SIAH3: variants seen among roughly 807,000 people sequenced by gnomAD.
The protein encoded by SIAH3 is siah E3 ubiquitin protein ligase family member 3, also known as seven in absentia homolog 3.
Under a neutral mutation model 12.6 loss-of-function variants are expected in SIAH3, and 9 were observed. The ratio of observed to expected loss-of-function variants is 0.72; its 90% confidence interval spans 0.43 to 1.25. The LOEUF (loss-of-function observed/expected upper bound fraction) is 1.25. Among genes scored for constraint, SIAH3 ranks in the 50% most tolerant of loss-of-function variants. The pLI is 0.00. For synonymous variants in SIAH3, 154 were observed against 151.1 expected (o/e 1.02, Z -0.14); for missense variants, 390 against 365.4 (o/e 1.07, Z -0.55).
At chr13:45,839,432 A>T (rs1254925954) in intron 1 of SIAH3, among the ~76,000 whole-genome samples, 1 of 152,184 alleles carries the variant, frequency 6.6e-6, no homozygotes, top group Non-Finnish European at 1.5e-5. Flanking sequence ...CCCATTTCTT[A>T]AAAAAACATG....
At chr13:45,790,593 G>C (rs892249921) in intron 1 of SIAH3, among the ~76,000 whole-genome samples, 1 of 152,204 alleles carries the variant, frequency 6.6e-6, no homozygotes, top group African/African-American at 2.4e-5. Flanking sequence ...TTCAGGACAG[G>C]GACTAATTGT....
intron 1 of SIAH3, among the ~76,000 whole-genome samples, chr13:45,784,401 T>G (rs1950519092): frequency 2.4e-5 from 2 of 83,754 alleles, no homozygotes; most frequent in African/African-American, 7.9e-5. Flanking sequence ...GACAGCTGTT[T>G]TTTTTTTTTT....
intron 1 of SIAH3, among the ~76,000 whole-genome samples, chr13:45,813,821 A>C (rs12873938): frequency 0.074 from 11,230 of 152,050 alleles, 589 homozygotes; most frequent in Non-Finnish European, 0.11. Flanking sequence ...AAGGACACTA[A>C]TACCATCATA....
At chr13:45,842,640 G>A (rs937774818) in intron 1 of SIAH3, among the ~76,000 whole-genome samples, 3 of 152,148 alleles carry the variant, frequency 2.0e-5, no homozygotes, top group African/African-American at 7.2e-5. Flanking sequence ...GAACCACCGT[G>A]CCTGGCCTGT....
rs1376795448 is a variant in SIAH3, at chr13:45,781,970, T to A, written c.*1413A>T. On this transcript the variant is annotated 3_prime_UTR_variant, in exon 2 of 2. Coordinates refer to ENST00000400405, the MANE Select transcript of SIAH3 (RefSeq NM_198849.3). ...TCATGGGAATGTGCTGGGGATGGGGTGCCTGACTTCTGCAGTGTCTGGAGA... is the reference window on the plus strand; with the variant it reads ...TCATGGGAATGTGCTGGGGATGGGGAGCCTGACTTCTGCAGTGTCTGGAGA... 6.6e-6 allele frequency: 1 copy of A among 151,546 alleles called. No individual in the cohort carries two copies. Among genetic ancestry groups the A allele is most frequent in the Non-Finnish European group, 1.5e-5 (1 of 68,052 alleles). 9.4% of individuals were successfully genotyped at this position (151,546 alleles called of 1,614,324 possible).
At chr13:45,786,590 G>A (rs7997870) in intron 1 of SIAH3, among the ~76,000 whole-genome samples, 65,652 of 152,132 alleles carry the variant, frequency 0.43, 14,680 homozygotes, top group East Asian at 0.73. Flanking sequence ...TCAAGGGCAT[G>A]TTAGGAGATC....
intron 1 of SIAH3, among the ~76,000 whole-genome samples, chr13:45,819,452 T>C (rs1385046446): frequency 1.3e-5 from 2 of 151,988 alleles, no homozygotes; most frequent in Non-Finnish European, 1.5e-5. Context: ...GGAGTGGTGG[T>C]CGCTGAGGAA....
intron 1 of SIAH3, among the ~76,000 whole-genome samples, chr13:45,794,512 T>A (rs1286687749): frequency 6.6e-6 from 1 of 152,102 alleles, no homozygotes; most frequent in East Asian, 1.9e-4. Flanking sequence ...ATAATCCCCA[T>A]GTGTTGTGGG....
At position 45,816,488 on chromosome 13, in the gene SIAH3, G is replaced by C. The variant is rs370673395; in HGVS notation, c.136-32431C>G. Among the ~76,000 whole-genome samples the C allele has an allele frequency of 3.0e-4, 45 of 152,322 alleles. No individual in the cohort carries two copies. In the South Asian group the frequency reaches 9.3e-3, roughly 32 times the overall value. ...ATATTCATCTATTTTTAAAAGCCTTGCTATAAATTACAACAGCTGAGTTAT... is the reference window on the plus strand; with the variant it reads ...ATATTCATCTATTTTTAAAAGCCTTCCTATAAATTACAACAGCTGAGTTAT... On this transcript the variant is annotated intron_variant, in intron 1 of 1. Coordinates refer to ENST00000400405, the MANE Select transcript of SIAH3 (RefSeq NM_198849.3).
At chr13:45,786,384 G>C (rs1337063111) in intron 1 of SIAH3, among the ~76,000 whole-genome samples, 1 of 152,196 alleles carries the variant, frequency 6.6e-6, no homozygotes, top group East Asian at 1.9e-4. Flanking sequence ...TATAAATGAA[G>C]AAACAGAGAC....
At chr13:45,839,594 AG>A (rs1481004786) in intron 1 of SIAH3, among the ~76,000 whole-genome samples, 1 of 152,214 alleles carries the variant, frequency 6.6e-6, no homozygotes. Context: ...GCACTTTGGG[AG>A]GCCAAGGTGG....
At chr13:45,809,120 C>T (rs988371002) in intron 1 of SIAH3, among the ~76,000 whole-genome samples, 3 of 152,188 alleles carry the variant, frequency 2.0e-5, no homozygotes, top group African/African-American at 7.2e-5. Flanking sequence ...GACATAAATC[C>T]TGAGGCTGCG....
At chr13:45,818,425 G>A (rs1950642885) in intron 1 of SIAH3, among the ~76,000 whole-genome samples, 2 of 152,216 alleles carry the variant, frequency 1.3e-5, no homozygotes, top group Admixed American at 1.3e-4. Context: ...TATGGCTGCT[G>A]TAGCAAACTT....
At chr13:45,824,830 A>G (rs1462305860) in intron 1 of SIAH3, among the ~76,000 whole-genome samples, 1 of 151,756 alleles carries the variant, frequency 6.6e-6, no homozygotes, top group Non-Finnish European at 1.5e-5. Context: ...AAACCACGAG[A>G]TTGCGCCACT....
chr13:45,795,168 C>A (rs1201164859), intron 1 of SIAH3, among the ~76,000 whole-genome samples: 2 of 152,194 alleles, frequency 1.3e-5, no homozygotes, highest in East Asian at 3.9e-4. Flanking sequence ...ATGGAGAGAT[C>A]CAGAGGTAAT....
chr13:45,826,429 A>C (rs367557719), intron 1 of SIAH3, among the ~76,000 whole-genome samples: 1 of 4,606 alleles, frequency 2.2e-4, no homozygotes, highest in Non-Finnish European at 4.9e-4. Flanking sequence ...GGATGGATGG[A>C]TGAATGGATG....
At chr13:45,830,572 C>A (rs750875288) in intron 1 of SIAH3, among the ~76,000 whole-genome samples, 29 of 152,222 alleles carry the variant, frequency 1.9e-4, no homozygotes, top group Non-Finnish European at 3.7e-4. Context: ...AATCAAGAGG[C>A]AACTTGCTTC....
At chr13:45,807,792 T>G (rs373401311) in intron 1 of SIAH3, among the ~76,000 whole-genome samples, 46 of 152,312 alleles carry the variant, frequency 3.0e-4, no homozygotes, top group African/African-American at 1.0e-3. Context: ...TGACATTGCA[T>G]ATGCCCAGTA....
chr13:45,840,085 C>T (rs1360491168), intron 1 of SIAH3, among the ~76,000 whole-genome samples: 2 of 152,132 alleles, frequency 1.3e-5, no homozygotes, highest in Non-Finnish European at 2.9e-5. Flanking sequence ...TGGTGAAACC[C>T]CATCTCTGCT....
Sources: allele counts gnomAD v4.1 joint callset (sites outside exome capture counted in the v4.1 genomes callset), GRCh38; gene constraint gnomAD v4.1.1; transcripts MANE v1.5; gene names NCBI Gene and HGNC (gene_info 2026-07-23, HGNC 2026-07-21).